RALGPS1: variants seen among roughly 807,000 people sequenced by gnomAD.
RALGPS1 encodes the protein Ral GEF with PH domain and SH3 binding motif 1.
In RALGPS1, 19 loss-of-function variants were observed where a neutral mutation model predicts 78.8. That is an observed-to-expected ratio of 0.24 (90% CI 0.17 to 0.35). The LOEUF (loss-of-function observed/expected upper bound fraction) is 0.35. RALGPS1 is among the 10% of genes least tolerant of loss of function. RALGPS1 has a pLI of 1.00. For synonymous variants in RALGPS1, 228 were observed against 256.3 expected, an observed-to-expected ratio of 0.89 and a Z score of 1.06; for missense variants, 454 against 688.3, an observed-to-expected ratio of 0.66 and a Z score of 3.81.
At chr9:127,017,325 G>T (rs1345517976) in intron 4 of RALGPS1, among the ~76,000 whole-genome samples, 1 of 152,170 alleles carries the variant, frequency 6.6e-6, no homozygotes, top group East Asian at 1.9e-4. Flanking sequence ...GCAGGCAAGT[G>T]TAATATAGTA....
At chr9:127,189,675 T>A (rs185299355) in intron 11 of RALGPS1, among the ~76,000 whole-genome samples, 1 of 152,276 alleles carries the variant, frequency 6.6e-6, no homozygotes, top group Admixed American at 6.5e-5. Flanking sequence ...TACAAAGATG[T>A]GGGCAGAGTG....
intron 8 of RALGPS1, among the ~76,000 whole-genome samples, chr9:127,083,648 C>T (rs1447037137): frequency 6.6e-6 from 1 of 152,180 alleles, no homozygotes; most frequent in East Asian, 1.9e-4. Flanking sequence ...ATGAGCTGGA[C>T]TCAATCAGGT....
intron 9 of RALGPS1, among the ~76,000 whole-genome samples, chr9:127,167,403 C>T (rs2059348636): frequency 6.6e-6 from 1 of 152,228 alleles, no homozygotes; most frequent in Non-Finnish European, 1.5e-5. Flanking sequence ...GTTCCATTGG[C>T]CAGCAGAGCA....
At chr9:127,014,766 C>G (rs1277117646) in intron 4 of RALGPS1, among the ~76,000 whole-genome samples, 1 of 151,978 alleles carries the variant, frequency 6.6e-6, no homozygotes, top group African/African-American at 2.4e-5. Flanking sequence ...TTTTACAGCC[C>G]CCATCCCCCA....
Position 126,958,147 on chromosome 9 carries a change from A to G in RALGPS1, c.-65-4078A>G, listed in dbSNP as rs1227983046. On this transcript the variant is annotated intron_variant, in intron 1 of 18. Transcript: ENST00000259351. ...TCTTTAAAAAAAAAAAAAAAAATAT[A>G]TATATATATATACACACACACACAC... Among the ~76,000 whole-genome samples, 1,009 of 128,624 alleles carry G rather than the reference A, an allele frequency of 7.8e-3. 19 individuals are homozygous for G. Among genetic ancestry groups the G allele is most frequent in the African/African-American group, 0.025 (977 of 38,488 alleles). The allele number at this position is 128,624 out of a possible 152,430, so 84.4% of individuals were successfully genotyped here. A position where few individuals can be genotyped will look rare whatever the true frequency, so the allele number is the denominator to read the frequency against.
intron 1 of RALGPS1, among the ~76,000 whole-genome samples, chr9:126,918,646 A>T (rs1348239999): frequency 2.7e-5 from 4 of 149,330 alleles, no homozygotes; most frequent in African/African-American, 4.9e-5. Flanking sequence ...TTATATTTTG[A>T]GGAAGTAAAA....
intron 11 of RALGPS1, among the ~76,000 whole-genome samples, chr9:127,183,000 A>G (rs978707355): frequency 1.4e-4 from 21 of 152,170 alleles, no homozygotes; most frequent in Non-Finnish European, 2.5e-4. Context: ...AGGATGAACA[A>G]GCATGTCACA....
chr9:127,131,435 C>T (rs1025146497), intron 8 of RALGPS1, among the ~76,000 whole-genome samples: 4 of 152,222 alleles, frequency 2.6e-5, no homozygotes, highest in African/African-American at 9.6e-5. Context: ...GTTACACACT[C>T]ACCACATGCC....
chr9:127,177,691 A>C (rs540652899), intron 11 of RALGPS1, among the ~76,000 whole-genome samples: 1 of 152,276 alleles, frequency 6.6e-6, no homozygotes, highest in Non-Finnish European at 1.5e-5. Flanking sequence ...GAAAACTAAA[A>C]GTGCTAATTG....
chr9:127,162,875 G>A (rs1331283489), intron 8 of RALGPS1, among the ~76,000 whole-genome samples: 1 of 152,202 alleles, frequency 6.6e-6, no homozygotes, highest in African/African-American at 2.4e-5. Flanking sequence ...CCAGTGGATG[G>A]GAACATGGGT....
intron 1 of RALGPS1, among the ~76,000 whole-genome samples, chr9:126,921,314 T>G (rs2034727708): frequency 6.6e-6 from 1 of 152,254 alleles, no homozygotes; most frequent in African/African-American, 2.4e-5. Context: ...GCTCCAGGGC[T>G]ATAGGCTTGT....
intron 8 of RALGPS1, chr9:127,108,277 G>A (rs770228069): frequency 7.4e-6 from 12 of 1,614,008 alleles, no homozygotes; most frequent in South Asian, 5.5e-5. Context: ...GAGCTCCAAC[G>A]CGTTGTCCCG....
chr9:127,195,097 C>T lies in RALGPS1; in HGVS notation c.917C>T (p.Ser306Phe). The T allele has an allele frequency of 6.2e-7, 1 of 1,613,490 alleles. No homozygotes were observed. Among genetic ancestry groups the T allele is most frequent in the Non-Finnish European group, 8.5e-7 (1 of 1,179,924 alleles). ...CTCTCTGCTCTGTTTGCAGGTCCCT[C>T]TGCTGGCTCCGGTTCTGCGAGGTTC... ...VSSKEDLAGP[S>F]AGSGSARFSR... Residue 306 changes from serine (S) to phenylalanine (F), a missense_variant, in exon 12 of 19, where the codon TCT becomes TTT. Ser to Phe is a radical substitution (Grantham distance 155). Transcript: ENST00000259351.
At chr9:126,958,142 A>AAAAAAAAATATAT (rs113413659) in intron 1 of RALGPS1, among the ~76,000 whole-genome samples, 2,812 of 74,340 alleles carry the variant, frequency 0.038, 76 homozygotes, top group Non-Finnish European at 0.062. Flanking sequence ...AAAAAAAAAA[A>AAAAAAAAATATAT]ATATATATAT....
At chr9:127,167,968 A>C (rs774278310) in intron 9 of RALGPS1, among the ~76,000 whole-genome samples, 1 of 152,348 alleles carries the variant, frequency 6.6e-6, no homozygotes, top group South Asian at 2.1e-4. Flanking sequence ...CATCACCTGA[A>C]GTCCCAACCC....
intron 8 of RALGPS1, among the ~76,000 whole-genome samples, chr9:127,163,072 C>T (rs563080472): frequency 2.0e-5 from 3 of 152,150 alleles, no homozygotes; most frequent in African/African-American, 7.2e-5. Context: ...GCCTTTCCCC[C>T]CATCCTGCTC....
intron 4 of RALGPS1, among the ~76,000 whole-genome samples, chr9:126,993,660 A>C (rs2042467464): frequency 6.6e-6 from 1 of 151,958 alleles, no homozygotes; most frequent in African/African-American, 2.4e-5. Flanking sequence ...CTGCATTTCC[A>C]ACTGAGCTTT....
intron 8 of RALGPS1, among the ~76,000 whole-genome samples, chr9:127,112,115 T>G (rs2054876088): frequency 6.6e-6 from 1 of 152,178 alleles, no homozygotes; most frequent in Non-Finnish European, 1.5e-5. Context: ...TCCACTTAAA[T>G]GACAAAGCCC....
chr9:126,971,859 G>A (rs184792506), intron 3 of RALGPS1, among the ~76,000 whole-genome samples: 83 of 152,258 alleles, frequency 5.5e-4, no homozygotes, highest in African/African-American at 1.9e-3. Flanking sequence ...AAAACTTACG[G>A]GATTCTGGAA....
Sources: allele counts gnomAD v4.1 joint callset (sites outside exome capture counted in the v4.1 genomes callset), GRCh38; gene constraint gnomAD v4.1.1; transcripts MANE v1.5; gene names NCBI Gene and HGNC (gene_info 2026-07-23, HGNC 2026-07-21).